The following RSPH14 variants were observed in gnomAD, a reference collection of about 807,000 sequenced individuals.
RSPH14 encodes rhabdoid tumor deletion region gene 1.
In RSPH14, 20 loss-of-function variants were observed where a neutral mutation model predicts 26.7. That is an observed-to-expected ratio of 0.75 (90% CI 0.53 to 1.09). The LOEUF is 1.09. Among genes scored for constraint, RSPH14 ranks in the 50% least tolerant of loss-of-function variants. The probability of loss-of-function intolerance (pLI) is 0.00; values close to 1 mark genes in which losing one functional copy is unlikely to be tolerated. For missense variants in RSPH14, 449 were observed against 457.2 expected, an observed-to-expected ratio of 0.98 and a Z score of 0.16; for synonymous variants, 177 against 189.3, an observed-to-expected ratio of 0.93 and a Z score of 0.53.
the RSPH14 span, among the ~76,000 whole-genome samples, chr22:23,155,694 T>C: frequency 1.8e-4 from 28 of 152,042 alleles, no homozygotes; most frequent in Non-Finnish European, 1.5e-5. Context: ...CAGAAGGGAG[T>C]GAGCTGCAAC....
the RSPH14 span, chr22:23,152,350 A>C: frequency 9.0e-7 from 1 of 1,115,574 alleles, no homozygotes; most frequent in Non-Finnish European, 1.4e-6. Context: ...TCCTGTGTCC[A>C]GGAGTGAGGG....
chr22:23,079,329 G>A (rs542485100), intron 4 of RSPH14, among the ~76,000 whole-genome samples: 52 of 152,350 alleles, frequency 3.4e-4, no homozygotes, highest in South Asian at 6.2e-4. Context: ...GGGAGAGGGC[G>A]CGGAAGCGAA....
the RSPH14 span, chr22:23,161,017 G>GC: frequency 4.9e-5 from 78 of 1,586,346 alleles, no homozygotes; most frequent in South Asian, 7.8e-4. Flanking sequence ...AGGTGTGACT[G>GC]GGTTGGGCTG....
chr22:23,125,916 C>T (rs1055170429), intron 4 of RSPH14, among the ~76,000 whole-genome samples: 14 of 152,176 alleles, frequency 9.2e-5, no homozygotes, highest in Non-Finnish European at 1.5e-4. Context: ...GGCACACACA[C>T]GCATGCATGC....
chr22:23,061,904 A>G lies in RSPH14; in HGVS notation c.695T>C (p.Val232Ala), dbSNP rs757677516. The G allele has an allele frequency of 6.2e-7, 1 of 1,614,174 alleles. No individual in the cohort carries two copies. Among genetic ancestry groups the G allele is most frequent in the Non-Finnish European group, 8.5e-7 (1 of 1,180,030 alleles). Reference sequence around the variant, plus strand: ...CAGCAGATGGACCAGGATGGGGATGACGTCAAAATGACACACCTGTTTCTT... The same window carrying G: ...CAGCAGATGGACCAGGATGGGGATGGCGTCAAAATGACACACCTGTTTCTT... ...EGKKQVCHFD[V>A]IPILVHLLKD... is the part of the protein sequence containing the mutation. Residue 232 changes from valine (V) to alanine (A), a missense_variant, in exon 6 of 7, where the codon GTC becomes GCC. By Grantham distance (64) the Val-to-Ala change is moderately conservative. Transcript: ENST00000216036.
chr22:23,173,810 C>T, the RSPH14 span, among the ~76,000 whole-genome samples: 5 of 152,000 alleles, frequency 3.3e-5, no homozygotes, highest in African/African-American at 4.8e-5. Flanking sequence ...TGGGTTCCAG[C>T]GATTCTCTTG....
chr22:23,166,028 C>A, the RSPH14 span, among the ~76,000 whole-genome samples: 3 of 151,732 alleles, frequency 2.0e-5, no homozygotes, highest in Admixed American at 1.3e-4. Flanking sequence ...CACCTGTAGT[C>A]CCAGCTACTT....
chr22:23,080,176 T>A (rs1485213606), intron 4 of RSPH14, among the ~76,000 whole-genome samples: 1 of 152,220 alleles, frequency 6.6e-6, no homozygotes, highest in African/African-American at 2.4e-5. Context: ...CATATTGATT[T>A]ATTTATTTAC....
chr22:23,090,039 AC>A (rs1378549445), intron 4 of RSPH14, among the ~76,000 whole-genome samples: 1 of 151,926 alleles, frequency 6.6e-6, no homozygotes, highest in Non-Finnish European at 1.5e-5. Context: ...AATTTGCCAC[AC>A]CCTTCACGCT....
At chr22:23,149,986 C>A, upstream of RSPH14, 1 of 1,156,000 alleles carries the variant, frequency 8.7e-7, no homozygotes, top group Non-Finnish European at 1.3e-6. Flanking sequence ...GGAAGATCAT[C>A]TCCCCTCACT....
chr22:23,162,522 G>A, the RSPH14 span: 5 of 415,818 alleles, frequency 1.2e-5, no homozygotes, highest in Admixed American at 1.2e-4. Flanking sequence ...GACTTCAGAG[G>A]CCCTGCCAAG....
intron 4 of RSPH14, among the ~76,000 whole-genome samples, chr22:23,101,020 CA>C (rs1326865501): frequency 3.9e-5 from 6 of 152,308 alleles, no homozygotes; most frequent in African/African-American, 1.4e-4. Context: ...GTGGGTGAAA[CA>C]AGGTGTTTCC....
At chr22:23,112,625 A>G (rs950246765) in intron 4 of RSPH14, among the ~76,000 whole-genome samples, 1 of 152,166 alleles carries the variant, frequency 6.6e-6, no homozygotes, top group South Asian at 2.1e-4. Flanking sequence ...CAGCAAGGAC[A>G]GGGCCACTTC....
chr22:23,120,903 A>T (rs554660524), intron 4 of RSPH14, among the ~76,000 whole-genome samples: 1 of 152,340 alleles, frequency 6.6e-6, no homozygotes, highest in Non-Finnish European at 1.5e-5. Context: ...CATATCTGTT[A>T]TTTAACTGAT....
At chr22:23,091,229 C>G (rs541867077) in intron 4 of RSPH14, among the ~76,000 whole-genome samples, 1 of 152,226 alleles carries the variant, frequency 6.6e-6, no homozygotes, top group African/African-American at 2.4e-5. Context: ...CAGACACATG[C>G]ACACACTGGC....
intron 4 of RSPH14, among the ~76,000 whole-genome samples, chr22:23,074,106 G>A (rs973661495): frequency 2.0e-5 from 3 of 152,318 alleles, no homozygotes; most frequent in Admixed American, 2.0e-4. Flanking sequence ...GCCAGGTCCT[G>A]CAGGACTCAG....
At chr22:23,155,900 T>C in the RSPH14 span, 1 of 1,438,180 alleles carries the variant, frequency 7.0e-7, no homozygotes, top group Non-Finnish European at 9.4e-7. Context: ...TCCCGTAGCC[T>C]GTTGGCTCAA....
chr22:23,068,935 T>TTCCCTTGG (rs1472077848), intron 4 of RSPH14, among the ~76,000 whole-genome samples: 1 of 152,156 alleles, frequency 6.6e-6, no homozygotes, highest in Non-Finnish European at 1.5e-5. Context: ...ATTGGCTGAA[T>TTCCCTTGG]TCCCTTGGTC....
intron 4 of RSPH14, among the ~76,000 whole-genome samples, chr22:23,089,621 A>C (rs573735839): frequency 1.3e-5 from 2 of 152,184 alleles, no homozygotes; most frequent in African/African-American, 2.4e-5. Flanking sequence ...TTACAGGAAC[A>C]GACTTGAGAG....
Sources: gnomAD v4.1 joint callset for allele counts (sites outside exome capture counted in the v4.1 genomes callset) on GRCh38, gnomAD v4.1.1 for gene constraint, MANE v1.5 for transcripts, NCBI Gene and HGNC (gene_info 2026-07-23, HGNC 2026-07-21) for gene names.